The following C8orf34 variants were observed in gnomAD, a reference collection of about 807,000 sequenced individuals.
C8orf34 encodes the protein uncharacterized protein C8orf34.
In C8orf34, 65 loss-of-function variants were observed where a neutral mutation model predicts 68.3. That is an observed-to-expected ratio of 0.95 (90% CI 0.78 to 1.17). C8orf34 has a LOEUF of 1.17. Among genes scored for constraint, C8orf34 ranks in the 50% most tolerant of loss-of-function variants. C8orf34 has a pLI of 0.00. For synonymous variants in C8orf34, 244 were observed against 241.2 expected, an observed-to-expected ratio of 1.01 and a Z score of -0.11; for missense variants, 664 against 655.4, an observed-to-expected ratio of 1.01 and a Z score of -0.14.
chr8:68,609,048 C>T (rs890691506), intron 7 of C8orf34, among the ~76,000 whole-genome samples: 1 of 152,048 alleles, frequency 6.6e-6, no homozygotes, highest in African/African-American at 2.4e-5. Context: ...GTGGTACTGG[C>T]CTGTAGTCTT....
At chr8:68,608,121 G>GA (rs11312803) in intron 7 of C8orf34, among the ~76,000 whole-genome samples, 24 of 150,464 alleles carry the variant, frequency 1.6e-4, no homozygotes, top group Non-Finnish European at 2.7e-4. Flanking sequence ...ACCAAATGCA[G>GA]AAAAAAAAAC....
At chr8:68,330,652 T>G, upstream of C8orf34, 1 of 209,436 alleles carries the variant, frequency 4.8e-6, no homozygotes, top group African/African-American at 2.3e-5. Flanking sequence ...TATGTGCACT[T>G]TGAAAGAAGC....
At chr8:68,571,350 C>A (rs1185782742) in intron 7 of C8orf34, among the ~76,000 whole-genome samples, 5 of 152,078 alleles carry the variant, frequency 3.3e-5, no homozygotes, top group African/African-American at 1.2e-4. Context: ...GGAAATTACC[C>A]ATTGAGAACT....
At chr8:68,608,055 T>C (rs1273267013) in intron 7 of C8orf34, among the ~76,000 whole-genome samples, 1 of 133,566 alleles carries the variant, frequency 7.5e-6, no homozygotes, top group Non-Finnish European at 1.5e-5. Context: ...TTTATTAATT[T>C]ATTCACTCTC....
chr8:68,417,393 T>C (rs535218178), intron 1 of C8orf34, among the ~76,000 whole-genome samples: 2 of 152,206 alleles, frequency 1.3e-5, no homozygotes, highest in Admixed American at 6.5e-5. Context: ...ACACTAATTT[T>C]AGTGTCTATC....
At chr8:68,613,614 T>C (rs1176639890) in intron 7 of C8orf34, among the ~76,000 whole-genome samples, 3 of 151,884 alleles carry the variant, frequency 2.0e-5, no homozygotes, top group African/African-American at 4.8e-5. Context: ...ACAAAGGACA[T>C]GAACTCATCA....
At chr8:68,633,153 C>G (rs1363116120) in intron 7 of C8orf34, among the ~76,000 whole-genome samples, 1 of 152,174 alleles carries the variant, frequency 6.6e-6, no homozygotes, top group African/African-American at 2.4e-5. Flanking sequence ...TACCTCTTTT[C>G]TACCTGTTAA....
intron 7 of C8orf34, among the ~76,000 whole-genome samples, chr8:68,614,207 A>G (rs1818119859): frequency 6.6e-6 from 1 of 151,946 alleles, no homozygotes; most frequent in Non-Finnish European, 1.5e-5. Context: ...TCAGATGAGT[A>G]GGTTGCGAAA....
At chr8:68,467,557 CT>C (rs1358627496) in intron 3 of C8orf34, among the ~76,000 whole-genome samples, 1 of 151,930 alleles carries the variant, frequency 6.6e-6, no homozygotes, top group African/African-American at 2.4e-5. Context: ...CTGTCTTTCA[CT>C]ATCTTCCCGA....
At chr8:68,520,695 C>T (rs554211428) in intron 5 of C8orf34, among the ~76,000 whole-genome samples, 1 of 151,488 alleles carries the variant, frequency 6.6e-6, no homozygotes, top group African/African-American at 2.4e-5. Flanking sequence ...GATCTCCTGA[C>T]CTCGTTATCT....
intron 2 of C8orf34, among the ~76,000 whole-genome samples, chr8:68,442,434 C>G (rs925631886): frequency 2.6e-5 from 4 of 152,044 alleles, no homozygotes; most frequent in Non-Finnish European, 5.9e-5. Flanking sequence ...GTTTGAGGGA[C>G]TTTGAGAATT....
chr8:68,528,863 A>G (rs564971106), intron 6 of C8orf34, among the ~76,000 whole-genome samples: 1 of 152,238 alleles, frequency 6.6e-6, no homozygotes, highest in South Asian at 2.1e-4. Context: ...AACCTCCATA[A>G]GCTTCCTCCA....
chr8:68,579,455 C>A (rs767209240), intron 7 of C8orf34, among the ~76,000 whole-genome samples: 15 of 152,218 alleles, frequency 9.9e-5, no homozygotes, highest in Non-Finnish European at 2.1e-4. Context: ...CTTTGCTGCT[C>A]CCCAGACAAT....
At chr8:68,816,198 A>G (rs755867133) in intron 13 of C8orf34, among the ~76,000 whole-genome samples, 1 of 148,124 alleles carries the variant, frequency 6.8e-6, no homozygotes, top group Non-Finnish European at 1.5e-5. Context: ...TTTAGTCTGC[A>G]CTCTCCCTTG....
At chr8:68,461,867 G>A (rs1811847239) in intron 3 of C8orf34, among the ~76,000 whole-genome samples, 1 of 152,176 alleles carries the variant, frequency 6.6e-6, no homozygotes, top group South Asian at 2.1e-4. Flanking sequence ...TCAAGGCTAG[G>A]AAGAAACTGC....
intron 1 of C8orf34, among the ~76,000 whole-genome samples, chr8:68,358,978 C>T (rs142157341): frequency 2.5e-3 from 381 of 152,080 alleles, no homozygotes; most frequent in African/African-American, 8.5e-3. Flanking sequence ...GGATTATAGG[C>T]GTGCACTCCC....
intron 1 of C8orf34, among the ~76,000 whole-genome samples, chr8:68,347,646 T>C (rs561762853): frequency 6.6e-6 from 1 of 152,276 alleles, no homozygotes; most frequent in African/African-American, 2.4e-5. Flanking sequence ...ATTTTAGTAA[T>C]AGCCATTCTG....
chr8:68,386,604 C>T (rs1808272495), intron 1 of C8orf34, among the ~76,000 whole-genome samples: 2 of 152,278 alleles, frequency 1.3e-5, no homozygotes, highest in South Asian at 4.1e-4. Context: ...ACATAAGAAG[C>T]TGTCCTTGGG....
chr8:68,399,207 G>T lies in C8orf34; in HGVS notation c.328-40292G>T, dbSNP rs564001630. On this transcript the variant is annotated intron_variant, in intron 1 of 13. Transcript: ENST00000518698. ...TTTATGGGGGTACAATTGTAATTTT[G>T]TTACATGGATAGTTTGTGCTGTGTT... 1.5e-4 allele frequency among the ~76,000 whole-genome samples: 23 copies of T among 151,932 alleles called. No homozygotes were observed. In the South Asian group the frequency reaches 4.6e-3, roughly 30 times the overall value.
Sources: allele counts gnomAD v4.1 joint callset (sites outside exome capture counted in the v4.1 genomes callset), GRCh38; gene constraint gnomAD v4.1.1; transcripts MANE v1.5; gene names NCBI Gene and HGNC (gene_info 2026-07-23, HGNC 2026-07-21).